The following DCHS2 variants were observed in gnomAD, a reference collection of about 807,000 sequenced individuals.
DCHS2 encodes the protein protocadherin-23.
A neutral mutation model predicts 182.4 loss-of-function variants in DCHS2; 142 were observed. That is an observed-to-expected ratio of 0.78 (90% CI 0.68 to 0.89). DCHS2 has a LOEUF of 0.89. DCHS2 is among the 40% of genes least tolerant of loss of function. DCHS2 has a pLI of 0.00. For synonymous variants in DCHS2, 1,740 were observed against 1,663.3 expected, an observed-to-expected ratio of 1.05 and a Z score of -1.12; for missense variants, 4,319 against 4,198.6, an observed-to-expected ratio of 1.03 and a Z score of -0.79.
intron 1 of DCHS2, among the ~76,000 whole-genome samples, chr4:154,396,324 C>CA (rs1244245391): frequency 2.0e-5 from 3 of 152,012 alleles, no homozygotes; most frequent in African/African-American, 7.2e-5. Context: ...AGGAATTGAA[C>CA]AATTTCTGAT....
chr4:154,254,674 T>A (rs1007408869), intron 16 of DCHS2, among the ~76,000 whole-genome samples: 3 of 152,032 alleles, frequency 2.0e-5, no homozygotes, highest in African/African-American at 7.2e-5. Context: ...CCATCTCTAC[T>A]AAAAATACAA....
At chr4:154,287,049 T>C (rs971367052) in intron 13 of DCHS2, among the ~76,000 whole-genome samples, 1 of 152,120 alleles carries the variant, frequency 6.6e-6, no homozygotes, top group African/African-American at 2.4e-5. Flanking sequence ...GAGGGTGGCA[T>C]GACATATTTA....
At chr4:154,366,545 A>G in intron 2 of DCHS2, 104 bp from the exon 3 acceptor site, 2 of 768,224 alleles carry the variant, frequency 2.6e-6, no homozygotes. Context: ...ACAGAATTTG[A>G]ATATGTGGGG....
rs762416881 is a variant in DCHS2 at position 154,329,513 on chromosome 4, C to T, written c.3918+10G>A. 1 of 1,609,310 alleles carries T rather than the reference C, an allele frequency of 6.2e-7. No individual in the cohort carries two copies. The highest frequency in any genetic ancestry group is 8.5e-7 in the Non-Finnish European group (1 of 1,176,512). ...ATATTACAAATTCATTGCAAGGTTTCTTCACAAACCTTCACGTGTAACTCC... is the reference window on the plus strand; with the variant it reads ...ATATTACAAATTCATTGCAAGGTTTTTTCACAAACCTTCACGTGTAACTCC... On this transcript the variant is annotated intron_variant, in intron 6 of 19. Transcript: ENST00000357232.
At position 154,333,310 on chromosome 4, in the gene DCHS2, G is replaced by A; in HGVS notation, c.2898C>T (p.Asn966=). 6.2e-7 allele frequency: 1 copy of A among 1,614,216 alleles called. No homozygotes were observed. The highest frequency in any genetic ancestry group is 8.5e-7 in the Non-Finnish European group (1 of 1,180,040). ...TGTCATTGACATCCATGACTGTTAT[G>A]TTGACCTCGGTGCTGCTGCAGGCTG... is the stretch of plus-strand genomic sequence containing the variant. ...SAPACSSTEV[N]ITVMDVNDNH... Residue 966 remains asparagine, a synonymous_variant, in exon 5 of 20, where the codon AAC becomes AAT. Coordinates refer to ENST00000357232, the MANE Select transcript of DCHS2 (RefSeq NM_001358235.2).
chr4:154,451,850 T>C (rs182316998), intron 1 of DCHS2, among the ~76,000 whole-genome samples: 51 of 152,290 alleles, frequency 3.3e-4, no homozygotes, highest in African/African-American at 1.2e-3. Flanking sequence ...GGAAAATTGG[T>C]GAAAAGGTCA....
rs1036630765 is a variant in DCHS2, at chr4:154,321,339, T to G, written c.4177-117A>C. 5 of 1,134,934 alleles carry G rather than the reference T, an allele frequency of 4.4e-6. No individual in the cohort carries two copies. In the African/African-American group the frequency reaches 7.9e-5, roughly 18 times the overall value. The allele number at this position is 1,134,934 out of a possible 1,614,324, so 70.3% of individuals were successfully genotyped here. On this transcript the variant is annotated intron_variant, in intron 8 of 19. Coordinates refer to ENST00000357232, the MANE Select transcript of DCHS2 (RefSeq NM_001358235.2). ...TTCCATGTATGTGATCATATGTTAA[T>G]TAGTGAGAAAAATGTCATTTTTATA...
chr4:154,484,901 T>C (rs548404097), intron 1 of DCHS2, among the ~76,000 whole-genome samples: 1 of 152,326 alleles, frequency 6.6e-6, no homozygotes, highest in East Asian at 1.9e-4. Context: ...TACCTAGAAA[T>C]GCATTACACA....
chr4:154,375,127 G>A (rs971949283), intron 2 of DCHS2, among the ~76,000 whole-genome samples: 1 of 152,132 alleles, frequency 6.6e-6, no homozygotes, highest in Admixed American at 6.5e-5. Flanking sequence ...AGTAAGTGGT[G>A]CTGAGTTAAT....
At chr4:154,246,776 TA>T (rs938045766) in intron 16 of DCHS2, among the ~76,000 whole-genome samples, 6 of 151,564 alleles carry the variant, frequency 4.0e-5, no homozygotes, top group African/African-American at 1.2e-4. Flanking sequence ...AATTAGAAAA[TA>T]AAAAAGAAAT....
At chr4:154,432,094 G>A (rs1281689233) in intron 1 of DCHS2, among the ~76,000 whole-genome samples, 3 of 152,190 alleles carry the variant, frequency 2.0e-5, no homozygotes, top group Admixed American at 1.3e-4. Flanking sequence ...TATGGGAAAT[G>A]TTTTGAACAA....
At chr4:154,437,625 T>C (rs980475291) in intron 1 of DCHS2, among the ~76,000 whole-genome samples, 1 of 152,202 alleles carries the variant, frequency 6.6e-6, no homozygotes, top group African/African-American at 2.4e-5. Flanking sequence ...GCCCCTGACA[T>C]TTTTTCCATT....
chr4:154,300,957 C>T (rs1328724217), intron 12 of DCHS2, among the ~76,000 whole-genome samples: 3 of 152,254 alleles, frequency 2.0e-5, no homozygotes, highest in South Asian at 2.1e-4. Context: ...TTGAAGTTTT[C>T]TAAGGAATTC....
intron 1 of DCHS2, among the ~76,000 whole-genome samples, chr4:154,473,540 T>G (rs934105243): frequency 6.6e-6 from 1 of 152,076 alleles, no homozygotes; most frequent in South Asian, 2.1e-4. Context: ...CCAATTTTGA[T>G]AGCAAATGGA....
At chr4:154,345,205 G>A (rs1229782344) in intron 3 of DCHS2, among the ~76,000 whole-genome samples, 1 of 152,194 alleles carries the variant, frequency 6.6e-6, no homozygotes, top group Non-Finnish European at 1.5e-5. Flanking sequence ...AAGTTTTGAT[G>A]ACGCCAAATG....
At chr4:154,281,072 C>T (rs1046859770) in intron 13 of DCHS2, among the ~76,000 whole-genome samples, 23 of 151,990 alleles carry the variant, frequency 1.5e-4, no homozygotes, top group African/African-American at 4.4e-4. Flanking sequence ...GGTGATCTGC[C>T]CACCTCGACC....
At chr4:154,278,175 A>T (rs2404898) in intron 13 of DCHS2, among the ~76,000 whole-genome samples, 148,972 of 152,154 alleles carry the variant, frequency 0.98, 72,996 homozygotes, top group Middle Eastern at 1. Context: ...AAACTAATTT[A>T]AAAAAACCCA....
chr4:154,390,094 T>C (rs1382267357), intron 1 of DCHS2, among the ~76,000 whole-genome samples: 2 of 151,546 alleles, frequency 1.3e-5, no homozygotes, highest in Admixed American at 6.6e-5. Context: ...TTTTTTTTTA[T>C]TTTTTTAAAT....
At chr4:154,255,736 A>G in intron 15 of DCHS2, 66 bp from the exon 16 acceptor site, 1 of 1,491,608 alleles carries the variant, frequency 6.7e-7, no homozygotes, top group East Asian at 2.5e-5. Context: ...TCTGTTTTTC[A>G]GAGACATGCA....
Sources: gnomAD v4.1 joint callset for allele counts (sites outside exome capture counted in the v4.1 genomes callset) on GRCh38, gnomAD v4.1.1 for gene constraint, MANE v1.5 for transcripts, NCBI Gene and HGNC (gene_info 2026-07-23, HGNC 2026-07-21) for gene names.